LINGO2: variants seen among roughly 807,000 people sequenced by gnomAD.
LINGO2 encodes leucine-rich repeat and immunoglobulin-like domain-containing nogo receptor-interacting protein 2.
In LINGO2, 14 loss-of-function variants were observed where a neutral mutation model predicts 30.6. The ratio of observed to expected loss-of-function variants is 0.46; its 90% CI spans 0.30 to 0.72. The LOEUF (loss-of-function observed/expected upper bound fraction) is 0.72, where lower values mean the gene tolerates loss of function less well. LINGO2 is among the 30% of genes least tolerant of loss of function. LINGO2 has a pLI of 0.07. For missense variants in LINGO2, 729 were observed against 751.7 expected (o/e 0.97, Z 0.35); for synonymous variants, 317 against 288.5 (o/e 1.10, Z -1.00).
In LINGO2 at chr9:28,038,991, T is replaced by C. The variant is rs781310320; in HGVS notation, c.-86-26586A>G. 3.3e-3 allele frequency among the ~76,000 whole-genome samples: 505 copies of C among 152,344 alleles called. 2 individuals are homozygous for C. Among genetic ancestry groups the C allele is most frequent in the Non-Finnish European group, 5.5e-3 (377 of 68,038 alleles). ...CTCTAGGTCTACAATTCTTTTTGAT[T>C]GTGTAGCACGAAATCTTAAAGGAGT... On this transcript the variant is annotated intron_variant, in intron 4 of 5. Transcript: ENST00000379992.
chr9:28,802,262 T>C, the LINGO2 span, among the ~76,000 whole-genome samples: 43 of 152,042 alleles, frequency 2.8e-4, no homozygotes, highest in Admixed American at 2.4e-3. Context: ...ATTATTCTTT[T>C]ATAGTTGGAT....
intron 4 of LINGO2, among the ~76,000 whole-genome samples, chr9:28,195,775 T>C (rs536197497): frequency 1.3e-5 from 2 of 151,622 alleles, no homozygotes; most frequent in African/African-American, 4.8e-5. Context: ...TGAAAAGAAT[T>C]ATACCATTTT....
chr9:28,749,729 C>A, the LINGO2 span, among the ~76,000 whole-genome samples: 3 of 151,962 alleles, frequency 2.0e-5, no homozygotes, highest in African/African-American at 7.3e-5. Flanking sequence ...AAAGTACTCA[C>A]AAAAGTTTTA....
At chr9:28,233,037 T>TATATATATATATAC (rs1564062868) in intron 4 of LINGO2, among the ~76,000 whole-genome samples, 3 of 100,486 alleles carry the variant, frequency 3.0e-5, no homozygotes, top group Non-Finnish European at 5.7e-5. Flanking sequence ...ACATTATATA[T>TATATATATATATAC]ATATATATAT....
chr9:28,434,210 G>A (rs1166491309), intron 2 of LINGO2, among the ~76,000 whole-genome samples: 1 of 151,472 alleles, frequency 6.6e-6, no homozygotes, highest in African/African-American at 2.4e-5. Context: ...GTTGTGGGAA[G>A]AGAGGGTTGT....
chr9:29,032,846 G>C, the LINGO2 span, among the ~76,000 whole-genome samples: 1 of 152,212 alleles, frequency 6.6e-6, no homozygotes, highest in East Asian at 1.9e-4. Context: ...GTATTGGAGA[G>C]ACTACATATA....
chr9:28,215,760 T>A (rs1820745820), intron 4 of LINGO2, among the ~76,000 whole-genome samples: 1 of 151,778 alleles, frequency 6.6e-6, no homozygotes, highest in Non-Finnish European at 1.5e-5. Flanking sequence ...ATAGAAACAC[T>A]CTTCATAGTC....
chr9:28,312,060 C>T (rs946981788), intron 3 of LINGO2, among the ~76,000 whole-genome samples: 1 of 152,108 alleles, frequency 6.6e-6, no homozygotes, highest in Non-Finnish European at 1.5e-5. Flanking sequence ...CTTCCCACAA[C>T]AAGTAAGGCT....
the LINGO2 span, among the ~76,000 whole-genome samples, chr9:28,830,364 A>G: frequency 6.6e-6 from 1 of 152,276 alleles, no homozygotes; most frequent in East Asian, 1.9e-4. Flanking sequence ...GCATTTGTCA[A>G]AATTGATTGT....
chr9:28,428,893 T>C lies in LINGO2; in HGVS notation c.-279+47047A>G, dbSNP rs1357728840. Among the ~76,000 whole-genome samples, 3 of 152,294 alleles carry C rather than the reference T, an allele frequency of 2.0e-5. 1 individual carries two copies. The highest frequency in any genetic ancestry group is 7.2e-5 in the African/African-American group (3 of 41,578). ...TAAAGTAGTATTAAGTGGTAAACTT[T>C]TAGTGCATCCTAGTTCCCTTTGGTT... On this transcript the variant is annotated intron_variant, in intron 2 of 5. Transcript: ENST00000379992.
intron 4 of LINGO2, among the ~76,000 whole-genome samples, chr9:28,055,178 T>C (rs1450485047): frequency 6.6e-6 from 1 of 152,166 alleles, no homozygotes; most frequent in Non-Finnish European, 1.5e-5. Context: ...TTATGTAAAT[T>C]GGCTTAATTT....
At chr9:29,025,729 T>C in the LINGO2 span, among the ~76,000 whole-genome samples, 1 of 152,170 alleles carries the variant, frequency 6.6e-6, no homozygotes, top group Non-Finnish European at 1.5e-5. Context: ...AGTCACCATG[T>C]TGTGTAACAG....
At chr9:28,044,167 G>A (rs1188950279) in intron 4 of LINGO2, among the ~76,000 whole-genome samples, 7 of 152,190 alleles carry the variant, frequency 4.6e-5, no homozygotes, top group Admixed American at 2.0e-4. Context: ...TTGAAAGAAT[G>A]GCCTTTGTGA....
intron 1 of LINGO2, among the ~76,000 whole-genome samples, chr9:28,665,102 T>G (rs1374375523): frequency 6.7e-6 from 1 of 149,390 alleles, no homozygotes; most frequent in Non-Finnish European, 1.5e-5. Flanking sequence ...CATGAAAATG[T>G]GTTTTAGTAG....
At chr9:28,101,042 A>AT (rs538803502) in intron 4 of LINGO2, among the ~76,000 whole-genome samples, 257 of 149,256 alleles carry the variant, frequency 1.7e-3, no homozygotes, top group African/African-American at 4.4e-3. Flanking sequence ...AAAATTACAC[A>AT]TTTTTTTTTT....
intron 1 of LINGO2, among the ~76,000 whole-genome samples, chr9:28,512,559 C>T (rs1820432313): frequency 7.4e-6 from 1 of 135,610 alleles, no homozygotes; most frequent in South Asian, 2.3e-4. Context: ...TTAGGGTTCT[C>T]TAGAGGGACA....
At chr9:28,583,298 C>A (rs925632032) in intron 1 of LINGO2, among the ~76,000 whole-genome samples, 8 of 151,810 alleles carry the variant, frequency 5.3e-5, no homozygotes, top group African/African-American at 1.9e-4. Flanking sequence ...TTTTCTGATT[C>A]CAAAATTGCA....
chr9:28,156,763 A>G (rs1361590550), intron 4 of LINGO2, among the ~76,000 whole-genome samples: 1 of 152,242 alleles, frequency 6.6e-6, no homozygotes, highest in African/African-American at 2.4e-5. Flanking sequence ...TAAATGGGAG[A>G]AATTGGCCAA....
chr9:27,995,303 C>T (rs1433469266), intron 5 of LINGO2, among the ~76,000 whole-genome samples: 1 of 152,064 alleles, frequency 6.6e-6, no homozygotes, highest in East Asian at 1.9e-4. Flanking sequence ...CTGAATTCCA[C>T]CAAATATTTA....
Sources: gnomAD v4.1 joint callset for allele counts (sites outside exome capture counted in the v4.1 genomes callset) on GRCh38, gnomAD v4.1.1 for gene constraint, MANE v1.5 for transcripts, NCBI Gene and HGNC (gene_info 2026-07-23, HGNC 2026-07-21) for gene names.